ERC2: variants seen among roughly 807,000 people sequenced by gnomAD.
ERC2 encodes the protein ERC protein 2.
ERC2 carries 42 observed loss-of-function variants against 114.8 expected under a neutral mutation model. The observed-to-expected ratio is 0.37, with a 90% CI of 0.29 to 0.47. The LOEUF is 0.47. ERC2 is among the 20% of genes least tolerant of loss of function. The probability of loss-of-function intolerance (pLI) is 0.99; values close to 1 mark genes in which losing one functional copy is unlikely to be tolerated. For missense variants in ERC2, 939 were observed against 1,150.7 expected, an observed-to-expected ratio of 0.82 and a Z score of 2.66; for synonymous variants, 454 against 425.5, an observed-to-expected ratio of 1.07 and a Z score of -0.82.
chr3:55,562,538 A>G (rs971447081), intron 17 of ERC2, among the ~76,000 whole-genome samples: 3 of 152,156 alleles, frequency 2.0e-5, no homozygotes, highest in Admixed American at 6.5e-5. Flanking sequence ...AGAAGTAAAT[A>G]CAGTTTAATT....
intron 3 of ERC2, among the ~76,000 whole-genome samples, chr3:56,214,181 A>G (rs1412252622): frequency 1.3e-5 from 2 of 152,164 alleles, no homozygotes; most frequent in South Asian, 2.1e-4. Flanking sequence ...GGCTTCAGAC[A>G]ATCAAACTTC....
chr3:55,808,277 G>A (rs2059567781), intron 14 of ERC2, among the ~76,000 whole-genome samples: 1 of 152,090 alleles, frequency 6.6e-6, no homozygotes, highest in African/African-American at 2.4e-5. Context: ...TGGGCCTCTG[G>A]ACCAAACTCA....
chr3:56,037,566 C>T (rs1419175575), intron 7 of ERC2, among the ~76,000 whole-genome samples: 1 of 152,160 alleles, frequency 6.6e-6, no homozygotes, highest in African/African-American at 2.4e-5. Flanking sequence ...AAAGACCAAA[C>T]TTATGACTGA....
At chr3:56,408,311 A>G (rs2060805827) in intron 2 of ERC2, among the ~76,000 whole-genome samples, 1 of 152,170 alleles carries the variant, frequency 6.6e-6, no homozygotes, top group Non-Finnish European at 1.5e-5. Flanking sequence ...TCCCTATTTT[A>G]TGGATGAGAA....
In ERC2 at chr3:56,296,392, G is replaced by A. The variant is rs1403179266; in HGVS notation, c.701C>T (p.Thr234Ile). The A allele has an allele frequency of 6.2e-7, 1 of 1,613,956 alleles. No homozygotes were observed. The highest frequency in any genetic ancestry group is 8.5e-7 in the Non-Finnish European group (1 of 1,179,858). ...GAGGAGGTGGTTGAGGTCTCTCTGG[G>A]TTCGCAGCTCATCTTGAAGGGCCTG... ...TIQALQDELR[T>I]QRDLNHLLQQ... The change falls in exon 3 of 18, where the codon ACC (threonine) becomes ATC (isoleucine). Residue 234 changes from threonine (T) to isoleucine (I), a missense_variant. By Grantham distance (89) the Thr-to-Ile change is moderately conservative. Transcript: ENST00000288221.
At position 56,002,996 on chromosome 3, in the gene ERC2, T is replaced by A. The variant is rs1031052373; in HGVS notation, c.2061+4185A>T. The stretch of plus-strand genomic sequence containing the variant: ...TGACAGAACGGAAAGGGGAAGAAAC[T>A]CAAATATTTTCAAAACCTCCCCAGT... On this transcript the variant is annotated intron_variant, in intron 10 of 17. Transcript: ENST00000288221. The A allele has an allele frequency of 1.7e-4, 82 of 480,846 alleles. No individual in the cohort carries two copies. In the African/African-American group the frequency reaches 2.7e-3, roughly 16 times the overall value. 29.8% of individuals were successfully genotyped at this position (480,846 alleles called of 1,614,324 possible). A position where few individuals can be genotyped will look rare whatever the true frequency, so the allele number is the denominator to read the frequency against.
chr3:56,190,762 TG>T lies in ERC2; in HGVS notation c.1075-17243del, dbSNP rs2083941716. 2.0e-5 allele frequency among the ~76,000 whole-genome samples: 3 copies of T among 152,016 alleles called. No individual in the cohort carries two copies. In the South Asian group the frequency reaches 6.2e-4, roughly 32 times the overall value. On this transcript the variant is annotated intron_variant, in intron 3 of 17. Coordinates refer to ENST00000288221, the MANE Select transcript of ERC2 (RefSeq NM_015576.3). ...ATAATTTTTTTTATTTTTGTAGAGA[TG>T]GGGTCTCATCTTGTTGCCTAGGCTG...
chr3:55,834,770 C>G (rs913062747), intron 14 of ERC2, among the ~76,000 whole-genome samples: 1 of 126,462 alleles, frequency 7.9e-6, no homozygotes, highest in African/African-American at 4.0e-5. Context: ...CACAGCAGAA[C>G]TGAAGGAAAT....
intron 7 of ERC2, among the ~76,000 whole-genome samples, chr3:56,036,651 A>G (rs575682969): frequency 9.5e-4 from 144 of 152,278 alleles, no homozygotes; most frequent in African/African-American, 3.4e-3. Flanking sequence ...GTGACGGCCC[A>G]CTGGGAGCTG....
chr3:56,120,615 G>A (rs1481303765), intron 6 of ERC2, among the ~76,000 whole-genome samples: 1 of 152,144 alleles, frequency 6.6e-6, no homozygotes, highest in South Asian at 2.1e-4. Context: ...CTATAAAGCA[G>A]CTCCTGACAC....
intron 6 of ERC2, among the ~76,000 whole-genome samples, chr3:56,103,853 C>G (rs1018510589): frequency 2.0e-5 from 3 of 151,722 alleles, no homozygotes; most frequent in Non-Finnish European, 4.4e-5. Context: ...CCTACAAGAC[C>G]TTGGTGTCAA....
At chr3:56,086,076 C>T (rs1344343811) in intron 6 of ERC2, among the ~76,000 whole-genome samples, 1 of 152,094 alleles carries the variant, frequency 6.6e-6, no homozygotes, top group African/African-American at 2.4e-5. Flanking sequence ...AGTGAAGAGG[C>T]AGAGAAAAAT....
At chr3:55,848,128 C>T (rs954518651) in intron 14 of ERC2, among the ~76,000 whole-genome samples, 6 of 152,062 alleles carry the variant, frequency 3.9e-5, no homozygotes, top group Non-Finnish European at 8.8e-5. Context: ...AAAAACAAAA[C>T]GTAACCAAAA....
In ERC2 at chr3:55,992,248, T is replaced by C; in HGVS notation, c.2064A>G (p.Ala688=). ...TCCTGGAGTCATCTTCAATATTATGTGCCTTCAACATTACATTTTTAAAGA... is the reference window on the plus strand; with the variant it reads ...TCCTGGAGTCATCTTCAATATTATGCGCCTTCAACATTACATTTTTAAAGA... ...CSKLEAQLKK[A]HNIEDDSRMN... The change falls in exon 11 of 18, where the codon GCA becomes GCG. Residue 688 remains alanine, a splice_region_variant and synonymous_variant. Coordinates refer to ENST00000288221, the MANE Select transcript of ERC2 (RefSeq NM_015576.3). The C allele has an allele frequency of 6.2e-7, 1 of 1,611,396 alleles. No individual in the cohort carries two copies. The highest frequency in any genetic ancestry group is 8.5e-7 in the Non-Finnish European group (1 of 1,178,734).
At chr3:56,289,168 C>A (rs553996976) in intron 3 of ERC2, among the ~76,000 whole-genome samples, 2 of 152,182 alleles carry the variant, frequency 1.3e-5, no homozygotes, top group African/African-American at 4.8e-5. Context: ...TGCTGACAAC[C>A]CTTGCCTGCC....
intron 17 of ERC2, among the ~76,000 whole-genome samples, chr3:55,564,774 A>G (rs1382445714): frequency 6.6e-6 from 1 of 152,246 alleles, no homozygotes; most frequent in Non-Finnish European, 1.5e-5. Flanking sequence ...CGTGTGGCCA[A>G]AATACAGCCA....
intron 3 of ERC2, among the ~76,000 whole-genome samples, chr3:56,211,862 T>C (rs1170207716): frequency 6.6e-6 from 1 of 152,188 alleles, no homozygotes; most frequent in African/African-American, 2.4e-5. Flanking sequence ...AAGAACACCC[T>C]ATTCAACAAA....
chr3:56,014,106 T>TA (rs60994198), intron 8 of ERC2, among the ~76,000 whole-genome samples: 18 of 151,506 alleles, frequency 1.2e-4, no homozygotes, highest in South Asian at 4.2e-4. Context: ...TATGAAAAGT[T>TA]AAAAAAAAAC....
chr3:55,525,269 A>G (rs962072191), intron 17 of ERC2, among the ~76,000 whole-genome samples: 1 of 152,226 alleles, frequency 6.6e-6, no homozygotes, highest in Non-Finnish European at 1.5e-5. Flanking sequence ...CAGTTCTTCA[A>G]TTCAACAAGC....
Sources: gnomAD v4.1 joint callset for allele counts (sites outside exome capture counted in the v4.1 genomes callset) on GRCh38, gnomAD v4.1.1 for gene constraint, MANE v1.5 for transcripts, NCBI Gene and HGNC (gene_info 2026-07-23, HGNC 2026-07-21) for gene names.